CCNH: variants seen among roughly 807,000 people sequenced by gnomAD.
The protein encoded by CCNH is cyclin H, also known as cyclin-H.
A neutral mutation model predicts 41.9 loss-of-function variants in CCNH; 31 were observed. That is an observed-to-expected ratio of 0.74 (90% CI 0.56 to 1.00). The LOEUF (loss-of-function observed/expected upper bound fraction) is 1.00. Ranked by LOEUF, CCNH falls within the 50% of genes least tolerant of loss-of-function variation. The pLI, the probability that CCNH is intolerant of heterozygous loss-of-function variation, is 0.00. For missense variants in CCNH, 362 were observed against 388.4 expected, an observed-to-expected ratio of 0.93 and a Z score of 0.57; for synonymous variants, 138 against 136.1, an observed-to-expected ratio of 1.01 and a Z score of -0.10.
chr5:87,390,312 C>A (rs910575591), downstream of CCNH, among the ~76,000 whole-genome samples: 2 of 152,020 alleles, frequency 1.3e-5, no homozygotes, highest in Non-Finnish European at 2.9e-5. Context: ...ATGCTGTCAC[C>A]GCACTGGCTA....
At chr5:87,385,481 GTGAAATTTTTAGCGA>G (rs1762003222) in intron 9 of CCNH, 1 of 984,726 alleles carries the variant, frequency 1.0e-6, no homozygotes, top group South Asian at 1.4e-5. Context: ...ATTTTTAGCA[GTGAAATTTTTAGCGA>G]TGAAAGATTA....
intron 9 of CCNH, among the ~76,000 whole-genome samples, chr5:87,354,119 T>A (rs1759477812): frequency 6.6e-6 from 1 of 151,882 alleles, no homozygotes. Context: ...AGCTACTACT[T>A]ATTGCAGTTA....
At chr5:87,356,584 C>T (rs764191575) in intron 9 of CCNH, among the ~76,000 whole-genome samples, 1 of 152,024 alleles carries the variant, frequency 6.6e-6, no homozygotes, top group African/African-American at 2.4e-5. Context: ...GAGTCTTGCT[C>T]TGTTGCCCAG....
intron 9 of CCNH, among the ~76,000 whole-genome samples, chr5:87,364,289 T>C (rs755644596): frequency 2.0e-5 from 3 of 152,168 alleles, no homozygotes; most frequent in Non-Finnish European, 4.4e-5. Flanking sequence ...CTGTAAAATA[T>C]ATAGCCTTGT....
At chr5:87,367,374 T>C (rs1006366820) in intron 9 of CCNH, among the ~76,000 whole-genome samples, 3 of 152,200 alleles carry the variant, frequency 2.0e-5, no homozygotes, top group Non-Finnish European at 4.4e-5. Flanking sequence ...TGTGTACACA[T>C]AGAACCTGAT....
chr5:87,412,736 G>C lies in CCNH; in HGVS notation c.59C>G (p.Ala20Gly), dbSNP rs755460097. The C allele has an allele frequency of 6.2e-7, 1 of 1,614,222 alleles. No individual in the cohort carries two copies. Among genetic ancestry groups the C allele is most frequent in the East Asian group, 2.2e-5 (1 of 44,882 alleles). The change falls in exon 1 of 9, where the codon GCA becomes GGA. Residue 20 changes from alanine (A) to glycine (G), a missense_variant. Transcript: ENST00000256897. ...GCGGTTGGCGTCAGCCCGCAGTCTT[G>C]CCAGCTGCTCCTCGCTGGAGAAGGT... ...HWTFSSEEQL[A>G]RLRADANRKF...
At chr5:87,341,453 C>T in intron 9 of CCNH, 1 of 456,970 alleles carries the variant, frequency 2.2e-6, no homozygotes, top group Non-Finnish European at 3.6e-6. Context: ...GCTTAGGGAA[C>T]TGATTTCTAA....
intron 9 of CCNH, chr5:87,366,486 T>G (rs550283246): frequency 4.4e-4 from 110 of 250,544 alleles, no homozygotes; most frequent in African/African-American, 2.4e-3. Context: ...TGTGAATGAT[T>G]CCTATTCTGG....
chr5:87,333,259 GT>G (rs764136794), intron 9 of CCNH: 1 of 1,604,068 alleles, frequency 6.2e-7, no homozygotes, highest in Non-Finnish European at 8.5e-7. Context: ...TTTTTTTATG[GT>G]TTCTAGCCAG....
At chr5:87,370,617 G>A (rs2112476480) in intron 9 of CCNH, among the ~76,000 whole-genome samples, 1 of 152,250 alleles carries the variant, frequency 6.6e-6, no homozygotes, top group Admixed American at 6.5e-5. Context: ...GTAAGATCGA[G>A]ACACTGTAAG....
chr5:87,401,562 A>G, intron 6 of CCNH, 140 bp downstream of exon 6: 2 of 613,682 alleles, frequency 3.3e-6, no homozygotes, highest in Non-Finnish European at 5.7e-6. Flanking sequence ...TGTGTCTTTC[A>G]TGCTTCCATA....
At chr5:87,358,855 G>T (rs1759856089) in intron 9 of CCNH, among the ~76,000 whole-genome samples, 1 of 152,066 alleles carries the variant, frequency 6.6e-6, no homozygotes, top group Non-Finnish European at 1.5e-5. Flanking sequence ...TGCTGTAGCT[G>T]TTCACTGTGT....
rs1320388817 is a variant in CCNH, at chr5:87,363,442, A to G, written c.*90+29328T>C. The G allele has an allele frequency of 1.2e-6, 2 of 1,612,308 alleles. No individual in the cohort carries two copies. The highest frequency in any genetic ancestry group is 3.3e-5 in the Admixed American group (2 of 59,980). On this transcript the variant is annotated intron_variant and NMD_transcript_variant, in intron 9 of 9. Coordinates refer to the CCNH transcript ENST00000645953. ...AAAGCGAAAAACGAGCTACCAAACC[A>G]AAAGGATTAATAGATCTCAGTGTAT...
chr5:87,315,266 C>G (rs1177035535), downstream of CCNH, among the ~76,000 whole-genome samples: 5 of 152,160 alleles, frequency 3.3e-5, no homozygotes, highest in Non-Finnish European at 7.4e-5. Context: ...AAGTCCAAGA[C>G]TGGGCAGGGG....
chr5:87,350,080 A>G (rs1759148699), intron 9 of CCNH, among the ~76,000 whole-genome samples: 1 of 151,890 alleles, frequency 6.6e-6, no homozygotes, highest in Non-Finnish European at 1.5e-5. Flanking sequence ...TCAGTACCAC[A>G]GCAGTATTCT....
downstream of CCNH, chr5:87,391,108 T>C: frequency 1.6e-6 from 1 of 620,570 alleles, no homozygotes; most frequent in Admixed American, 2.6e-5. Context: ...ATGGAATCAA[T>C]CTTTAACAAC....
In CCNH at chr5:87,401,769, ATAAC is replaced by A. The variant is rs1267613790; in HGVS notation, c.690-1_692del. 2 of 1,564,788 alleles carry A rather than the reference ATAAC, an allele frequency of 1.3e-6. No individual in the cohort carries two copies. The highest frequency in any genetic ancestry group is 1.7e-6 in the Non-Finnish European group (2 of 1,155,440). On this transcript the variant is annotated splice_acceptor_variant and coding_sequence_variant, in exon 6 of 9. Transcript: ENST00000256897. LOFTEE classifies it high-confidence loss of function. Reference sequence around the variant, plus strand: ...CTTTCAGCATCAGACTCTCTGATAAATAACTAGTAAAGAAAAGAAAAAAAAATCT... The same window carrying A: ...CTTTCAGCATCAGACTCTCTGATAAATAGTAAAGAAAAGAAAAAAAAATCT...
rs1208481094 is a variant in CCNH, at chr5:87,412,837, C to A, written c.-43G>T. The A allele has an allele frequency of 6.3e-7, 1 of 1,596,230 alleles. No homozygotes were observed. Among genetic ancestry groups the A allele is most frequent in the Non-Finnish European group, 8.6e-7 (1 of 1,165,980 alleles). On this transcript the variant is annotated 5_prime_UTR_variant, in exon 1 of 9. Transcript: ENST00000256897. ...GTCCAGAGGGTCTGCAGACGAGAAC[C>A]CAAACGCATCAGCGTCCTGGCGTAA... is the stretch of plus-strand genomic sequence containing the variant.
At chr5:87,389,594 G>C, downstream of CCNH, 6 of 1,571,848 alleles carry the variant, frequency 3.8e-6, no homozygotes, top group South Asian at 5.6e-5. Context: ...TTAATAAATA[G>C]CTGAATTCTG....
Sources: gnomAD v4.1 joint callset for allele counts (sites outside exome capture counted in the v4.1 genomes callset) on GRCh38, gnomAD v4.1.1 for gene constraint, MANE v1.5 for transcripts, NCBI Gene and HGNC (gene_info 2026-07-23, HGNC 2026-07-21) for gene names.